Variants in CSMD3 observed in about 807,000 individuals in gnomAD.
CSMD3 encodes CUB and sushi domain-containing protein 3.
In CSMD3, 177 loss-of-function variants were observed where a neutral mutation model predicts 435.2. That is an observed-to-expected ratio of 0.41 (90% confidence interval 0.36 to 0.46). CSMD3 has a LOEUF of 0.46. Ranked by LOEUF, CSMD3 falls within the 20% of genes least tolerant of loss-of-function variation. The pLI is 0.34. For synonymous variants in CSMD3, 1,656 were observed against 1,520.5 expected (o/e 1.09, Z -2.07); for missense variants, 4,265 against 4,504.6 (o/e 0.95, Z 1.52).
Position 112,947,810 on chromosome 8 carries a change from C to T in CSMD3, c.1488G>A (p.Lys496=), listed in dbSNP as rs777653777. Residue 496 remains lysine, a synonymous_variant, in exon 9 of 71, where the codon AAG becomes AAA. Coordinates refer to ENST00000297405, the MANE Select transcript of CSMD3 (RefSeq NM_198123.2). ...CPDPGEPENG[K]RIGSDFSLGS... ...ATTACCTAAAATCTGATCCGATTCT[C>T]TTCCCATTTTCTGGTTCTCCTGGAT... 15 of 1,456,228 alleles carry T rather than the reference C, an allele frequency of 1.0e-5. No individual in the cohort carries two copies. The highest frequency in any genetic ancestry group is 1.4e-5 in the Non-Finnish European group (15 of 1,038,358). 90.2% of individuals were successfully genotyped at this position (1,456,228 alleles called of 1,614,324 possible).
intron 13 of CSMD3, among the ~76,000 whole-genome samples, chr8:112,706,952 T>C (rs13272429): frequency 0.2 from 31,163 of 152,034 alleles, 4,027 homozygotes; most frequent in Non-Finnish European, 0.3. Flanking sequence ...TTAACCTGTC[T>C]ATTTTTTAAA....
chr8:112,956,485 A>C (rs1564147195), intron 7 of CSMD3, among the ~76,000 whole-genome samples: 1 of 152,264 alleles, frequency 6.6e-6, no homozygotes, highest in Middle Eastern at 3.4e-3. Context: ...AATTATAAGT[A>C]GGAATCTACC....
In CSMD3 at chr8:113,332,306, TAA is replaced by T. The variant is rs201831037; in HGVS notation, c.179-17515_179-17514del. The stretch of plus-strand genomic sequence containing the variant: ...GCATTACCACAAAACTTCAATTGGT[TAA>T]AAAAAAAAAAAAAAGATATCTTCAA... On this transcript the variant is annotated intron_variant, in intron 1 of 70. Transcript: ENST00000297405. Among the ~76,000 whole-genome samples the T allele has an allele frequency of 5.8e-3, 771 of 133,378 alleles. 11 individuals carry two copies. Among genetic ancestry groups the T allele is most frequent in the African/African-American group, 0.019 (722 of 37,076 alleles). The allele number at this position is 133,378 out of a possible 152,430, so 87.5% of individuals were successfully genotyped here.
intron 28 of CSMD3, among the ~76,000 whole-genome samples, chr8:112,510,446 C>T (rs191410670): frequency 1.2e-4 from 19 of 152,244 alleles, no homozygotes; most frequent in Non-Finnish European, 5.9e-5. Context: ...CATTTTGTTT[C>T]TTCTTCCTGA....
chr8:112,407,358 C>A (rs972603343), intron 34 of CSMD3, among the ~76,000 whole-genome samples: 1 of 151,822 alleles, frequency 6.6e-6, no homozygotes, highest in Non-Finnish European at 1.5e-5. Flanking sequence ...TATAGGTATG[C>A]CCTTTAATTG....
chr8:112,813,281 T>C (rs1319546787), intron 12 of CSMD3, among the ~76,000 whole-genome samples: 1 of 152,168 alleles, frequency 6.6e-6, no homozygotes, highest in Non-Finnish European at 1.5e-5. Context: ...TTAAACTCTT[T>C]AAGGCAGGAA....
At chr8:112,708,078 G>A (rs2076536318) in intron 13 of CSMD3, among the ~76,000 whole-genome samples, 1 of 152,018 alleles carries the variant, frequency 6.6e-6, no homozygotes, top group South Asian at 2.1e-4. Context: ...ATTTATTCAA[G>A]GTGTTTTAGA....
At chr8:113,256,534 T>G (rs1031799889) in intron 3 of CSMD3, among the ~76,000 whole-genome samples, 1 of 152,204 alleles carries the variant, frequency 6.6e-6, no homozygotes, top group Admixed American at 6.5e-5. Flanking sequence ...AGTAAACAAT[T>G]GGAAATATTG....
intron 13 of CSMD3, among the ~76,000 whole-genome samples, chr8:112,737,844 C>T (rs2077219884): frequency 6.6e-6 from 1 of 151,760 alleles, no homozygotes; most frequent in African/African-American, 2.4e-5. Context: ...AAGAAAAACC[C>T]CTTTTGATCT....
At chr8:113,336,322 GA>G (rs553433798) in intron 1 of CSMD3, among the ~76,000 whole-genome samples, 7 of 151,244 alleles carry the variant, frequency 4.6e-5, no homozygotes, top group South Asian at 2.1e-4. Flanking sequence ...ACTTTCGCTT[GA>G]AAAAAAATGT....
At chr8:113,252,225 C>T (rs2093340693) in intron 3 of CSMD3, among the ~76,000 whole-genome samples, 1 of 151,998 alleles carries the variant, frequency 6.6e-6, no homozygotes, top group Non-Finnish European at 1.5e-5. Flanking sequence ...CCAATTTCTC[C>T]CTGATGGAAT....
intron 34 of CSMD3, 90 bp downstream of exon 34, chr8:112,408,228 C>T (rs1388091389): frequency 2.2e-6 from 2 of 910,772 alleles, no homozygotes; most frequent in South Asian, 1.3e-5. Context: ...ACACTTTTAT[C>T]TAGAGGATTT....
At position 113,220,520 on chromosome 8, in the gene CSMD3, T is replaced by A. The variant is rs112214047; in HGVS notation, c.515-46604A>T. 3.5e-3 allele frequency among the ~76,000 whole-genome samples: 533 copies of A among 151,416 alleles called. 2 individuals carry two copies. The highest frequency in any genetic ancestry group is 0.012 in the African/African-American group (495 of 41,418). ...AATAATCATAATAAAATTGAAAAAA[T>A]TAATGCAAAGGCCTATACATATAAA... On this transcript the variant is annotated intron_variant, in intron 3 of 70. Coordinates refer to ENST00000297405, the MANE Select transcript of CSMD3 (RefSeq NM_198123.2).
intron 3 of CSMD3, among the ~76,000 whole-genome samples, chr8:113,263,574 C>A (rs1029054751): frequency 2.0e-5 from 3 of 151,786 alleles, no homozygotes; most frequent in Non-Finnish European, 4.4e-5. Context: ...AAATTATACT[C>A]CCCCTCAACC....
Position 112,643,482 on chromosome 8 carries a change from C to T in CSMD3, c.3310+1627G>A, listed in dbSNP as rs147978848. The T allele has an allele frequency of 1.4e-3, 237 of 170,388 alleles. 1 individual carries two copies. The highest frequency in any genetic ancestry group is 5.6e-3 in the African/African-American group (234 of 41,620). 10.6% of individuals were successfully genotyped at this position (170,388 alleles called of 1,614,324 possible). The stretch of plus-strand genomic sequence containing the variant: ...TTGGCTCTTAAAAGAAAGGCATCTA[C>T]GTCCGCATCTCTTGCCATGTAAATA... On this transcript the variant is annotated intron_variant, in intron 20 of 70. Transcript: ENST00000297405.
At chr8:112,673,634 T>C (rs1268624352) in intron 16 of CSMD3, among the ~76,000 whole-genome samples, 4 of 152,140 alleles carry the variant, frequency 2.6e-5, no homozygotes, top group Non-Finnish European at 5.9e-5. Flanking sequence ...CTAAAAAGAA[T>C]GTAATGGCTG....
At chr8:112,597,354 C>T (rs1402918787) in intron 22 of CSMD3, among the ~76,000 whole-genome samples, 4 of 151,190 alleles carry the variant, frequency 2.6e-5, no homozygotes, top group Admixed American at 2.6e-4. Context: ...ATAACAGGAG[C>T]TGAAATTGTG....
intron 27 of CSMD3, among the ~76,000 whole-genome samples, chr8:112,532,034 T>A (rs1233955246): frequency 6.6e-6 from 1 of 151,368 alleles, no homozygotes; most frequent in African/African-American, 2.4e-5. Flanking sequence ...ATAAATAATT[T>A]AAAAAATCAA....
intron 27 of CSMD3, among the ~76,000 whole-genome samples, chr8:112,536,397 T>C (rs1322280753): frequency 1.3e-5 from 2 of 152,204 alleles, no homozygotes; most frequent in Non-Finnish European, 2.9e-5. Flanking sequence ...AGGACACTTA[T>C]GCAGCCAAAA....
Sources: gnomAD v4.1 joint callset for allele counts (sites outside exome capture counted in the v4.1 genomes callset) on GRCh38, gnomAD v4.1.1 for gene constraint, MANE v1.5 for transcripts, NCBI Gene and HGNC (gene_info 2026-07-23, HGNC 2026-07-21) for gene names.